KIF24: variants seen among roughly 807,000 people sequenced by gnomAD.
KIF24 encodes kinesin-like protein KIF24.
In KIF24, 81 loss-of-function variants were observed where a neutral mutation model predicts 118.9. The ratio of observed to expected loss-of-function variants is 0.68; its 90% CI spans 0.57 to 0.82. The LOEUF (loss-of-function observed/expected upper bound fraction) is 0.82, where lower values mean the gene tolerates loss of function less well. Ranked by LOEUF, KIF24 falls within the 40% of genes least tolerant of loss-of-function variation. KIF24 has a pLI of 0.00. For synonymous variants in KIF24, 599 were observed against 610.0 expected, an observed-to-expected ratio of 0.98 and a Z score of 0.27; for missense variants, 1,560 against 1,661.6, an observed-to-expected ratio of 0.94 and a Z score of 1.06.
At chr9:34,303,042 G>A (rs1246067506) in intron 3 of KIF24, among the ~76,000 whole-genome samples, 2 of 151,980 alleles carry the variant, frequency 1.3e-5, no homozygotes, top group Non-Finnish European at 2.9e-5. Flanking sequence ...CCAAAGTGCT[G>A]GGATTACAGG....
At chr9:34,281,076 A>G (rs1203779183) in intron 6 of KIF24, among the ~76,000 whole-genome samples, 1 of 152,118 alleles carries the variant, frequency 6.6e-6, no homozygotes, top group Non-Finnish European at 1.5e-5. Flanking sequence ...CCTAGGCTGG[A>G]GTGCAATGGC....
At chr9:34,282,409 T>C (rs562683784) in intron 6 of KIF24, 2 of 152,180 alleles carry the variant, frequency 1.3e-5, no homozygotes, top group South Asian at 4.2e-4. Flanking sequence ...GAGTTTCATT[T>C]TGGGGTGATG....
Position 34,318,540 on chromosome 9 carries a change from A to G in KIF24, c.-25-7169T>C. 9.5e-7 allele frequency: 1 copy of G among 1,047,832 alleles called. No homozygotes were observed. 64.9% of individuals were successfully genotyped at this position (1,047,832 alleles called of 1,614,324 possible). A position where few individuals can be genotyped will look rare whatever the true frequency, so the allele number is the denominator to read the frequency against. On this transcript the variant is annotated intron_variant, in intron 1 of 12. Coordinates refer to ENST00000402558, the MANE Select transcript of KIF24 (RefSeq NM_194313.4). This position sits in a 1 kb window ranked among gnomAD's most constrained non-coding sequence, Gnocchi z 4.9. ...CCCAAGGCAGCCACGCTGGCCGAAC[A>G]CAGCGCCGGCCTGGCCTTCAGCCTG...
chr9:34,296,084 T>G (rs1836460605), intron 4 of KIF24, among the ~76,000 whole-genome samples: 1 of 145,902 alleles, frequency 6.9e-6, no homozygotes, highest in Non-Finnish European at 1.5e-5. Flanking sequence ...CCAGGCATGG[T>G]GGTGGGCGCC....
intron 4 of KIF24, among the ~76,000 whole-genome samples, chr9:34,292,179 T>C: frequency 6.6e-6 from 1 of 152,214 alleles, no homozygotes; most frequent in East Asian, 1.9e-4. Context: ...TGCAGTTCAC[T>C]GGGCCAGGTG....
At chr9:34,264,546 T>C (rs1490622879) in intron 8 of KIF24, among the ~76,000 whole-genome samples, 3 of 151,966 alleles carry the variant, frequency 2.0e-5, no homozygotes, top group Non-Finnish European at 4.4e-5. Flanking sequence ...CAGCCACAGA[T>C]GCCCGCAACT....
intron 1 of KIF24, among the ~76,000 whole-genome samples, chr9:34,325,663 G>A (rs895937725): frequency 6.6e-6 from 1 of 152,120 alleles, no homozygotes; most frequent in Non-Finnish European, 1.5e-5. Flanking sequence ...CTGCACTCCA[G>A]CCTGGGCAAC....
chr9:34,319,707 A>T, intron 1 of KIF24: 1 of 698,362 alleles, frequency 1.4e-6, no homozygotes. Flanking sequence ...CTTCTGAGAC[A>T]CATGGGTGCT....
intron 3 of KIF24, among the ~76,000 whole-genome samples, chr9:34,305,082 C>T (rs976035324): frequency 2.0e-5 from 3 of 152,222 alleles, no homozygotes; most frequent in South Asian, 4.2e-4. Flanking sequence ...TTTAGGAGTA[C>T]CTAAATGATG....
At position 34,306,470 on chromosome 9, in the gene KIF24, T is replaced by G. The variant is rs771417820; in HGVS notation, c.624-29A>C. 2.8e-6 allele frequency: 4 copies of G among 1,433,844 alleles called. No individual in the cohort carries two copies. The African/African-American group carries it at 5.7e-5, about 20-fold the overall frequency. The allele number at this position is 1,433,844 out of a possible 1,614,324, so 88.8% of individuals were successfully genotyped here. The stretch of plus-strand genomic sequence containing the variant: ...ATATGTTTATAAACAGGCTTTTAAT[T>G]TTTAATAATAGGACAAGATTACTTA... On this transcript the variant is annotated intron_variant, in intron 2 of 12. Coordinates refer to ENST00000402558, the MANE Select transcript of KIF24 (RefSeq NM_194313.4).
chr9:34,315,343 A>G (rs1837297295), intron 1 of KIF24, among the ~76,000 whole-genome samples: 1 of 152,192 alleles, frequency 6.6e-6, no homozygotes, highest in African/African-American at 2.4e-5. Context: ...AAAAAATTGT[A>G]TATAACACTG....
chr9:34,312,068 A>G (rs1418840598), intron 1 of KIF24, among the ~76,000 whole-genome samples: 2 of 152,228 alleles, frequency 1.3e-5, no homozygotes, highest in Non-Finnish European at 2.9e-5. Context: ...ACAGAGGATT[A>G]TAAACTAATG....
intron 8 of KIF24, 107 bp downstream of exon 8, chr9:34,269,150 C>A: frequency 1.6e-6 from 1 of 612,144 alleles, no homozygotes; most frequent in Non-Finnish European, 2.9e-6. Flanking sequence ...TACATAAGAA[C>A]AGGGCAGTTG....
chr9:34,301,996 T>TTTTC (rs1836728215), intron 3 of KIF24, among the ~76,000 whole-genome samples: 1 of 107,324 alleles, frequency 9.3e-6, no homozygotes, highest in Non-Finnish European at 2.4e-5. Context: ...TATTTTTTTT[T>TTTTC]CTTTTTTTTT....
chr9:34,328,000 C>T (rs890039526), intron 1 of KIF24, among the ~76,000 whole-genome samples: 1 of 151,994 alleles, frequency 6.6e-6, no homozygotes, highest in African/African-American at 2.4e-5. Context: ...AAAAGGGTAA[C>T]AAGAACATAG....
At chr9:34,275,977 A>C (rs557385792) in intron 6 of KIF24, among the ~76,000 whole-genome samples, 14 of 152,288 alleles carry the variant, frequency 9.2e-5, no homozygotes, top group Admixed American at 3.9e-4. Flanking sequence ...ACTCAGGTTG[A>C]TTTATTCATA....
chr9:34,328,979 T>C (rs1423357548), intron 1 of KIF24, among the ~76,000 whole-genome samples, 127 bp downstream of exon 1: 1 of 152,194 alleles, frequency 6.6e-6, no homozygotes, highest in East Asian at 1.9e-4. Context: ...GGGCCAACTC[T>C]CGGTTCCCTC....
intron 6 of KIF24, among the ~76,000 whole-genome samples, chr9:34,279,862 A>G (rs1835782292): frequency 6.6e-6 from 1 of 152,148 alleles, no homozygotes; most frequent in Non-Finnish European, 1.5e-5. Context: ...TAAGCTTTCC[A>G]CCTTGATCTC....
At chr9:34,274,852 T>C (rs1357421783) in intron 6 of KIF24, among the ~76,000 whole-genome samples, 1 of 130,150 alleles carries the variant, frequency 7.7e-6, no homozygotes, top group Non-Finnish European at 1.6e-5. Flanking sequence ...ACAACATGGA[T>C]GGAACTGGAG....
Sources: allele counts gnomAD v4.1 joint callset (sites outside exome capture counted in the v4.1 genomes callset), GRCh38; gene constraint gnomAD v4.1.1; non-coding constraint Gnocchi (gnomAD v3.1); transcripts MANE v1.5; gene names NCBI Gene and HGNC (gene_info 2026-07-23, HGNC 2026-07-21).